Variants in PTPRM observed in about 807,000 individuals in gnomAD.
PTPRM encodes protein tyrosine phosphatase receptor type M, also known as receptor-type tyrosine-protein phosphatase mu.
PTPRM carries 47 observed loss-of-function variants against 186.7 expected under a neutral mutation model. The observed-to-expected ratio is 0.25, with a 90% CI of 0.20 to 0.32. PTPRM has a LOEUF of 0.32. Among genes scored for constraint, PTPRM ranks in the 10% least tolerant of loss-of-function variants. The pLI is 1.00. For missense variants in PTPRM, 1,494 were observed against 1,865.0 expected, an observed-to-expected ratio of 0.80 and a Z score of 3.66; for synonymous variants, 668 against 674.9, an observed-to-expected ratio of 0.99 and a Z score of 0.16.
chr18:8,193,352 C>A (rs2093733318), intron 14 of PTPRM, among the ~76,000 whole-genome samples: 1 of 152,142 alleles, frequency 6.6e-6, no homozygotes, highest in Non-Finnish European at 1.5e-5. Flanking sequence ...AGTAATACAG[C>A]TTCATTTTCT....
intron 2 of PTPRM, among the ~76,000 whole-genome samples, chr18:7,847,228 G>A (rs539838396): frequency 5.4e-4 from 81 of 149,104 alleles, no homozygotes; most frequent in African/African-American, 1.8e-3. Flanking sequence ...GTGCTGTGGT[G>A]CAGTCACAGC....
At chr18:8,100,685 G>T (rs557506820) in intron 11 of PTPRM, among the ~76,000 whole-genome samples, 20 of 152,276 alleles carry the variant, frequency 1.3e-4, no homozygotes, top group African/African-American at 4.8e-4. Flanking sequence ...TGTAAAATTC[G>T]CATCAAGTAT....
chr18:8,146,161 T>C (rs1024366623), intron 14 of PTPRM, among the ~76,000 whole-genome samples: 3 of 151,898 alleles, frequency 2.0e-5, no homozygotes, highest in African/African-American at 7.2e-5. Flanking sequence ...CCTCAGTAGC[T>C]GGAATTACAG....
intron 32 of PTPRM, among the ~76,000 whole-genome samples, chr18:8,398,273 A>T (rs1209557381): frequency 6.6e-6 from 1 of 152,120 alleles, no homozygotes; most frequent in Non-Finnish European, 1.5e-5. Context: ...CATGAGCCAC[A>T]GTGCCTGGCC....
intron 22 of PTPRM, among the ~76,000 whole-genome samples, chr18:8,328,342 G>A (rs1598320809): frequency 6.6e-6 from 1 of 152,272 alleles, no homozygotes; most frequent in South Asian, 2.1e-4. Context: ...TCCAGATGGA[G>A]ATGAACACTT....
chr18:8,240,041 G>T (rs2147245249), intron 14 of PTPRM, among the ~76,000 whole-genome samples: 1 of 152,238 alleles, frequency 6.6e-6, no homozygotes, highest in Non-Finnish European at 1.5e-5. Flanking sequence ...CTACACAAAA[G>T]ACTTTGTTTC....
At chr18:8,183,037 C>T (rs374414090) in intron 14 of PTPRM, among the ~76,000 whole-genome samples, 2 of 152,260 alleles carry the variant, frequency 1.3e-5, no homozygotes, top group African/African-American at 4.8e-5. Context: ...TTAATAATCC[C>T]CCCAGACTCA....
At chr18:8,327,569 G>A (rs1443218070) in intron 22 of PTPRM, among the ~76,000 whole-genome samples, 1 of 152,182 alleles carries the variant, frequency 6.6e-6, no homozygotes, top group East Asian at 1.9e-4. Flanking sequence ...TGAATGGATT[G>A]GGACTTACGA....
intron 22 of PTPRM, among the ~76,000 whole-genome samples, chr18:8,336,246 G>C (rs2148201316): frequency 6.6e-6 from 1 of 152,128 alleles, no homozygotes; most frequent in African/African-American, 2.4e-5. Flanking sequence ...TGAGATAGGT[G>C]GTTTTTCAAG....
intron 7 of PTPRM, among the ~76,000 whole-genome samples, chr18:7,973,258 A>G (rs1862065660): frequency 6.6e-6 from 1 of 152,178 alleles, no homozygotes. Context: ...GTTTTAAGGT[A>G]GAATTGCAGG....
intron 1 of PTPRM, among the ~76,000 whole-genome samples, chr18:7,600,209 G>C (rs147466861): frequency 9.2e-4 from 140 of 151,444 alleles, no homozygotes; most frequent in African/African-American, 3.2e-3. Context: ...GGGGAGAATA[G>C]TGACTACCTC....
intron 13 of PTPRM, 70 bp downstream of exon 13, chr18:8,114,897 A>C: frequency 8.1e-7 from 1 of 1,237,112 alleles, no homozygotes; most frequent in Non-Finnish European, 1.2e-6. Flanking sequence ...TATGTTTCAA[A>C]ACTTTTTGAA....
At chr18:8,181,333 C>T (rs2093571390) in intron 14 of PTPRM, among the ~76,000 whole-genome samples, 1 of 152,146 alleles carries the variant, frequency 6.6e-6, no homozygotes, top group Admixed American at 6.5e-5. Flanking sequence ...AAAACCAGGC[C>T]ATAGAAAGCG....
chr18:8,086,828 A>T (rs2090458327), intron 10 of PTPRM, among the ~76,000 whole-genome samples: 1 of 152,182 alleles, frequency 6.6e-6, no homozygotes, highest in South Asian at 2.1e-4. Flanking sequence ...AAGCAATTAT[A>T]ACAAGGGATA....
chr18:8,271,935 A>C (rs2094776692), intron 19 of PTPRM, among the ~76,000 whole-genome samples: 1 of 152,074 alleles, frequency 6.6e-6, no homozygotes, highest in South Asian at 2.1e-4. Flanking sequence ...TTGTTGGCTG[A>C]GCGCAGTGGC....
At chr18:7,595,564 G>C (rs544653823) in intron 1 of PTPRM, among the ~76,000 whole-genome samples, 5 of 152,298 alleles carry the variant, frequency 3.3e-5, no homozygotes, top group African/African-American at 1.2e-4. Flanking sequence ...CATCCTAGGA[G>C]ACTTAGCATT....
chr18:7,893,598 T>C (rs1041920497), intron 3 of PTPRM, among the ~76,000 whole-genome samples: 4 of 152,090 alleles, frequency 2.6e-5, no homozygotes, highest in African/African-American at 9.7e-5. Flanking sequence ...CTGTAAAGAG[T>C]ATAGATCTAC....
intron 7 of PTPRM, among the ~76,000 whole-genome samples, chr18:8,009,677 C>T (rs11660294): frequency 0.077 from 11,392 of 148,270 alleles, 542 homozygotes; most frequent in Non-Finnish European, 0.1. Flanking sequence ...CACTGCACTC[C>T]AGCCTGGGGG....
chr18:7,752,783 A>G (rs2041282930), intron 1 of PTPRM, among the ~76,000 whole-genome samples: 1 of 152,082 alleles, frequency 6.6e-6, no homozygotes, highest in South Asian at 2.1e-4. Context: ...CTCGTGTGTC[A>G]TAGAAAACAA....
Sources: gnomAD v4.1 joint callset for allele counts (sites outside exome capture counted in the v4.1 genomes callset) on GRCh38, gnomAD v4.1.1 for gene constraint, MANE v1.5 for transcripts, NCBI Gene and HGNC (gene_info 2026-07-23, HGNC 2026-07-21) for gene names.